Variants in POLR1D observed in about 807,000 individuals in gnomAD.
POLR1D encodes the protein RNA polymerase I and III subunit D.
In POLR1D, 8 loss-of-function variants were observed where a neutral mutation model predicts 10.8. That is an observed-to-expected ratio of 0.74 (90% CI 0.43 to 1.33). POLR1D has a LOEUF of 1.33. Among genes scored for constraint, POLR1D ranks in the 40% most tolerant of loss-of-function variants. The pLI, the probability that POLR1D is intolerant of heterozygous loss-of-function variation, is 0.01. For missense variants in POLR1D, 152 were observed against 161.7 expected, an observed-to-expected ratio of 0.94 and a Z score of 0.32; for synonymous variants, 54 against 57.2, an observed-to-expected ratio of 0.94 and a Z score of 0.25.
rs1351410163 is a variant in POLR1D at position 27,650,877 on chromosome 13, A to C, written c.101+2424A>C. The C allele has an allele frequency of 2.0e-5, 3 of 152,340 alleles. No homozygotes were observed. The East Asian group carries it at 5.8e-4, about 29-fold the overall frequency. 9.4% of individuals were successfully genotyped at this position (152,340 alleles called of 1,614,324 possible). ...CCTTTTATAGGATGCTAGAGCACCA[A>C]ATCACTATTCACAAAACTGATAAAT... On this transcript the variant is annotated intron_variant, in intron 2 of 2. Transcript: ENST00000399697.
In POLR1D at chr13:27,623,240, C is replaced by A; in HGVS notation, c.392C>A (p.Ser131Tyr). Residue 131 changes from serine (S) to tyrosine (Y), a missense_variant, in exon 2 of 2, where the codon TCC becomes TAC. Physicochemically the swap from Ser to Tyr is moderately radical, Grantham distance 144. Transcript: ENST00000302979. ...YKDQKASRNE[S>Y]TF ...GATCAAAAAGCAAGCAGAAATGAAT[C>A]CACATTCTAGTCCTTTATGCAGTAT... is the stretch of plus-strand genomic sequence containing the variant. The A allele has an allele frequency of 6.2e-7, 1 of 1,613,834 alleles. No individual in the cohort carries two copies.
chr13:27,644,037 A>T (rs1956197959), intron 1 of POLR1D, among the ~76,000 whole-genome samples: 1 of 152,186 alleles, frequency 6.6e-6, no homozygotes, highest in Admixed American at 6.5e-5. Flanking sequence ...TGAGAGAGAC[A>T]CAAATGAGGA....
chr13:27,657,086 C>CT (rs1303618960), intron 2 of POLR1D, among the ~76,000 whole-genome samples: 1 of 152,196 alleles, frequency 6.6e-6, no homozygotes, highest in Non-Finnish European at 1.5e-5. Flanking sequence ...ACAGTGAGCA[C>CT]TAAGGGGAGC....
chr13:27,666,186 T>TTTAAACTGCCA, exon 3 of POLR1D: 1 of 506,244 alleles, frequency 2.0e-6, no homozygotes. Flanking sequence ...TGCAGTGTAG[T>TTTAAACTGCCA]AGACTTACAT....
chr13:27,632,304 G>A (rs945545537), intron 1 of POLR1D, among the ~76,000 whole-genome samples: 10 of 152,200 alleles, frequency 6.6e-5, no homozygotes, highest in Admixed American at 5.9e-4. Flanking sequence ...TTGTAGTTTT[G>A]AGTACCATGA....
chr13:27,637,683 C>T (rs1369477690), intron 1 of POLR1D, among the ~76,000 whole-genome samples: 1 of 152,000 alleles, frequency 6.6e-6, no homozygotes, highest in African/African-American at 2.4e-5. Flanking sequence ...TTAAAATTAC[C>T]TTGTCCTACT....
At chr13:27,665,972 C>T (rs767314108) in exon 3 of POLR1D, 18 of 1,612,462 alleles carry the variant, frequency 1.1e-5, no homozygotes, top group Admixed American at 1.7e-5. Context: ...CCAGGGCCAG[C>T]CAGCCCTGCG....
At chr13:27,622,749 G>T in intron 1 of POLR1D, 126 bp from the exon 2 acceptor site, 1 of 660,994 alleles carries the variant, frequency 1.5e-6, no homozygotes, top group South Asian at 1.9e-5. Context: ...AATGAGAGGC[G>T]AATAATTCTG....
downstream of POLR1D, chr13:27,623,566 C>T: frequency 3.3e-6 from 1 of 302,294 alleles, no homozygotes; most frequent in Non-Finnish European, 6.3e-6. Flanking sequence ...TAGACAAGAA[C>T]TGTGATCATG....
In POLR1D at chr13:27,648,269, A is replaced by G. The variant is rs41291676; in HGVS notation, c.27-110A>G. 17 of 742,182 alleles carry G rather than the reference A, an allele frequency of 2.3e-5. No individual in the cohort carries two copies. In the Admixed American group the frequency reaches 3.0e-4, roughly 13 times the overall value. The allele number at this position is 742,182 out of a possible 1,614,324, so 46.0% of individuals were successfully genotyped here. A position where few individuals can be genotyped will look rare whatever the true frequency, so the allele number is the denominator to read the frequency against. On this transcript the variant is annotated intron_variant, in intron 1 of 2. Transcript: ENST00000399697. ...ATTTAAAAAAAAATTTGCCCCAGCA[A>G]TCATGCTTCAAAAGTTAGTTCCTTT... is the stretch of plus-strand genomic sequence containing the variant.
intron 1 of POLR1D, among the ~76,000 whole-genome samples, chr13:27,633,446 G>A (rs944425015): frequency 3.3e-5 from 5 of 152,236 alleles, no homozygotes; most frequent in African/African-American, 7.2e-5. Flanking sequence ...GTGAAAGGAT[G>A]TAGGATTGCT....
At chr13:27,636,586 T>G (rs1269538475) in intron 1 of POLR1D, among the ~76,000 whole-genome samples, 2 of 152,218 alleles carry the variant, frequency 1.3e-5, no homozygotes, top group Non-Finnish European at 2.9e-5. Context: ...GAGAGAATTG[T>G]AAATTTAGGG....
intron 2 of POLR1D, chr13:27,650,812 T>A (rs1468144805): frequency 6.6e-6 from 1 of 152,182 alleles, no homozygotes; most frequent in East Asian, 1.9e-4. Flanking sequence ...TTAAAATCTG[T>A]AAGGTCATAA....
rs529368825 is a variant in POLR1D, at chr13:27,637,240, G to A, written c.27-11139G>A. Among the ~76,000 whole-genome samples the A allele has an allele frequency of 3.9e-5, 6 of 152,252 alleles. No homozygotes were observed. The East Asian group carries it at 9.6e-4, about 24-fold the overall frequency. On this transcript the variant is annotated intron_variant, in intron 1 of 2. Coordinates refer to the POLR1D transcript ENST00000399697. ...ATCGTAATAGAATTTTCCATGCCTT[G>A]GGTTTTTCTCCATACTATAGAGATT... is the stretch of plus-strand genomic sequence containing the variant.
At chr13:27,665,518 T>TC in intron 2 of POLR1D, 1 of 644,682 alleles carries the variant, frequency 1.6e-6, no homozygotes, top group Non-Finnish European at 2.8e-6. Flanking sequence ...TTTTTTTTCC[T>TC]CCCTGGTACT....
At chr13:27,646,643 C>T (rs1288238863) in intron 1 of POLR1D, among the ~76,000 whole-genome samples, 1 of 152,118 alleles carries the variant, frequency 6.6e-6, no homozygotes, top group African/African-American at 2.4e-5. Context: ...TTTTAAAGAT[C>T]TCAATAAGAG....
chr13:27,635,883 A>G (rs1956121110), intron 1 of POLR1D, among the ~76,000 whole-genome samples: 1 of 152,016 alleles, frequency 6.6e-6, no homozygotes, highest in Admixed American at 6.6e-5. Context: ...TTTTCTCACC[A>G]CTATATTGTG....
intron 1 of POLR1D, among the ~76,000 whole-genome samples, chr13:27,647,322 CAG>C (rs1272837170): frequency 2.6e-5 from 4 of 152,016 alleles, no homozygotes; most frequent in African/African-American, 9.7e-5. Flanking sequence ...GCAATGCAAA[CAG>C]AAAAAATCAC....
At chr13:27,655,424 C>T (rs747825928) in intron 2 of POLR1D, among the ~76,000 whole-genome samples, 12 of 152,164 alleles carry the variant, frequency 7.9e-5, no homozygotes, top group Admixed American at 2.0e-4. Context: ...CATCATCTAA[C>T]ATCCCAAAAA....
Sources: gnomAD v4.1 joint callset for allele counts (sites outside exome capture counted in the v4.1 genomes callset) on GRCh38, gnomAD v4.1.1 for gene constraint, MANE v1.5 for transcripts, NCBI Gene and HGNC (gene_info 2026-07-23, HGNC 2026-07-21) for gene names.